PLCL1: variants seen among roughly 807,000 people sequenced by gnomAD.
The protein encoded by PLCL1 is inactive phospholipase C-like protein 1.
Under a neutral mutation model 84.4 loss-of-function variants are expected in PLCL1, and 41 were observed. That is an observed-to-expected ratio of 0.49 (90% CI 0.38 to 0.63). The LOEUF is 0.63. Among genes scored for constraint, PLCL1 ranks in the 30% least tolerant of loss-of-function variants. The pLI is 0.00. For synonymous variants in PLCL1, 490 were observed against 488.3 expected, an observed-to-expected ratio of 1.00 and a Z score of -0.05; for missense variants, 1,206 against 1,367.8, an observed-to-expected ratio of 0.88 and a Z score of 1.87.
At chr2:197,939,447 T>G (rs553258761) in intron 1 of PLCL1, among the ~76,000 whole-genome samples, 1 of 152,126 alleles carries the variant, frequency 6.6e-6, no homozygotes, top group Non-Finnish European at 1.5e-5. Context: ...AGAAGTTGAT[T>G]TTTTTCATAG....
chr2:198,077,246 A>G (rs1316255570), intron 1 of PLCL1, among the ~76,000 whole-genome samples: 1 of 152,124 alleles, frequency 6.6e-6, no homozygotes, highest in African/African-American at 2.4e-5. Flanking sequence ...TATCCTAGGC[A>G]TCTTAAAAGG....
intron 1 of PLCL1, among the ~76,000 whole-genome samples, chr2:197,897,842 C>T (rs899428997): frequency 6.6e-6 from 1 of 152,136 alleles, no homozygotes; most frequent in Admixed American, 6.5e-5. Flanking sequence ...TATCGCATAT[C>T]CAATGTTACC....
At chr2:197,945,834 T>C (rs1429630125) in intron 1 of PLCL1, among the ~76,000 whole-genome samples, 1 of 152,190 alleles carries the variant, frequency 6.6e-6, no homozygotes, top group Non-Finnish European at 1.5e-5. Flanking sequence ...ATGACCAAAT[T>C]GGCATTGGTT....
intron 1 of PLCL1, among the ~76,000 whole-genome samples, chr2:197,825,620 A>G (rs1690912987): frequency 6.6e-6 from 1 of 152,172 alleles, no homozygotes; most frequent in Non-Finnish European, 1.5e-5. Context: ...TCCTTAAGGG[A>G]ATCTTGCCCT....
At chr2:197,921,164 T>A (rs1305430817) in intron 1 of PLCL1, among the ~76,000 whole-genome samples, 1 of 152,168 alleles carries the variant, frequency 6.6e-6, no homozygotes, top group Non-Finnish European at 1.5e-5. Context: ...TAAACATATC[T>A]AAAAATAGAA....
intron 1 of PLCL1, among the ~76,000 whole-genome samples, chr2:198,057,743 A>T (rs1051336904): frequency 6.6e-6 from 1 of 152,196 alleles, no homozygotes; most frequent in African/African-American, 2.4e-5. Flanking sequence ...TTTACAAGGA[A>T]TTTCCTCTGT....
chr2:198,094,666 T>G (rs1693146479), intron 3 of PLCL1, among the ~76,000 whole-genome samples: 1 of 152,154 alleles, frequency 6.6e-6, no homozygotes, highest in Non-Finnish European at 1.5e-5. Context: ...TTATCAGTAA[T>G]TCATTCTTAC....
At chr2:197,850,047 C>G (rs1033947691) in intron 1 of PLCL1, among the ~76,000 whole-genome samples, 6 of 149,882 alleles carry the variant, frequency 4.0e-5, no homozygotes, top group Admixed American at 2.0e-4. Context: ...CACACACACA[C>G]ACACACACAC....
chr2:197,956,407 A>G (rs373728151), intron 1 of PLCL1, among the ~76,000 whole-genome samples: 3 of 152,172 alleles, frequency 2.0e-5, no homozygotes, highest in East Asian at 3.9e-4. Context: ...TTATAGTACA[A>G]TGATTTATGA....
chr2:197,903,767 T>C (rs1238543802), intron 1 of PLCL1, among the ~76,000 whole-genome samples: 2 of 146,226 alleles, frequency 1.4e-5, no homozygotes, highest in East Asian at 4.0e-4. Context: ...CCTCCCAAAG[T>C]GCTGGGATTA....
intron 1 of PLCL1, among the ~76,000 whole-genome samples, chr2:197,997,449 T>C (rs1034682434): frequency 2.0e-5 from 3 of 152,236 alleles, no homozygotes; most frequent in Non-Finnish European, 4.4e-5. Context: ...TATGTTATCA[T>C]AACCTGCAGC....
At chr2:198,107,541 A>AAAACT (rs1693505619) in intron 5 of PLCL1, among the ~76,000 whole-genome samples, 1 of 151,948 alleles carries the variant, frequency 6.6e-6, no homozygotes, top group African/African-American at 2.4e-5. Flanking sequence ...CACAGTGCAC[A>AAAACT]AAACTAGACA....
At chr2:197,944,545 C>T (rs768019816) in intron 1 of PLCL1, among the ~76,000 whole-genome samples, 4 of 152,156 alleles carry the variant, frequency 2.6e-5, no homozygotes, top group Non-Finnish European at 4.4e-5. Context: ...CAAAGCAAAA[C>T]TCTGATTTGT....
chr2:197,849,998 AC>A (rs1687196857), intron 1 of PLCL1, among the ~76,000 whole-genome samples: 1 of 145,034 alleles, frequency 6.9e-6, no homozygotes, highest in South Asian at 2.2e-4. Context: ...TAGAGGTTAA[AC>A]ACACAGACAC....
At chr2:198,135,951 G>A (rs1174247681) in intron 5 of PLCL1, among the ~76,000 whole-genome samples, 1 of 152,164 alleles carries the variant, frequency 6.6e-6, no homozygotes, top group Admixed American at 6.5e-5. Flanking sequence ...ATAAGCTTTT[G>A]AGAGGGGAGG....
chr2:197,938,450 G>C (rs1689090451), intron 1 of PLCL1, among the ~76,000 whole-genome samples: 1 of 152,210 alleles, frequency 6.6e-6, no homozygotes, highest in Admixed American at 6.5e-5. Flanking sequence ...CTGCTGTGAT[G>C]TAGTATTCTC....
chr2:197,810,614 C>T (rs1050930752), intron 1 of PLCL1, among the ~76,000 whole-genome samples: 2 of 152,178 alleles, frequency 1.3e-5, no homozygotes, highest in Non-Finnish European at 2.9e-5. Flanking sequence ...TCAGGCATAG[C>T]AGGGCATTAT....
intron 1 of PLCL1, among the ~76,000 whole-genome samples, chr2:197,809,849 G>A (rs1300572018): frequency 6.6e-6 from 1 of 151,670 alleles, no homozygotes; most frequent in African/African-American, 2.4e-5. Flanking sequence ...TGTTTAAATA[G>A]GGACGGTTAT....
intron 1 of PLCL1, among the ~76,000 whole-genome samples, chr2:197,978,455 T>G (rs1417315824): frequency 6.6e-6 from 1 of 152,022 alleles, no homozygotes; most frequent in African/African-American, 2.4e-5. Context: ...TCCAGCCTGG[T>G]CGACAGAGGG....
Sources: allele counts gnomAD v4.1 joint callset (sites outside exome capture counted in the v4.1 genomes callset), GRCh38; gene constraint gnomAD v4.1.1; transcripts MANE v1.5; gene names NCBI Gene and HGNC (gene_info 2026-07-23, HGNC 2026-07-21).